The following PARN variants were observed in gnomAD, a reference collection of about 807,000 sequenced individuals.
PARN encodes poly(A)-specific ribonuclease PARN.
In PARN, 71 loss-of-function variants were observed where a neutral mutation model predicts 102.8. The ratio of observed to expected loss-of-function variants is 0.69; its 90% CI spans 0.57 to 0.84. The LOEUF (loss-of-function observed/expected upper bound fraction) is 0.84. PARN is among the 40% of genes least tolerant of loss of function. The pLI, the probability that PARN is intolerant of heterozygous loss-of-function variation, is 0.00. For missense variants in PARN, 782 were observed against 760.9 expected, an observed-to-expected ratio of 1.03 and a Z score of -0.33; for synonymous variants, 261 against 252.9, an observed-to-expected ratio of 1.03 and a Z score of -0.30.
chr16:14,475,516 T>C (rs1216011445), intron 22 of PARN, among the ~76,000 whole-genome samples: 1 of 152,210 alleles, frequency 6.6e-6, no homozygotes, highest in African/African-American at 2.4e-5. Context: ...CGGTTAACTA[T>C]AAAATGCTTG....
In PARN at chr16:14,522,818, G is replaced by C. The variant is rs146789141; in HGVS notation, c.1480+29203C>G. Among the ~76,000 whole-genome samples the C allele has an allele frequency of 2.3e-3, 354 of 152,266 alleles. 1 individual carries two copies. The highest frequency in any genetic ancestry group is 7.2e-3 in the Admixed American group (110 of 15,298). ...CCCTGTCCATGGCCTGGGGTGGGGAGAGAAAGGTCTGTAAAGAGAAATCTC... is the reference window on the plus strand; with the variant it reads ...CCCTGTCCATGGCCTGGGGTGGGGACAGAAAGGTCTGTAAAGAGAAATCTC... On this transcript the variant is annotated intron_variant, in intron 21 of 23. Transcript: ENST00000437198.
chr16:14,517,189 G>C (rs538393472), intron 21 of PARN, among the ~76,000 whole-genome samples: 1 of 152,202 alleles, frequency 6.6e-6, no homozygotes, highest in Non-Finnish European at 1.5e-5. Flanking sequence ...GCCATCAAGA[G>C]GTGCGGTGTA....
chr16:14,526,183 T>G (rs1185781203), intron 21 of PARN, among the ~76,000 whole-genome samples: 1 of 150,978 alleles, frequency 6.6e-6, no homozygotes, highest in Non-Finnish European at 1.5e-5. Context: ...TCCACTGTTT[T>G]TTTTTTTTTT....
chr16:14,586,499 T>C, intron 13 of PARN, 138 bp from the exon 14 acceptor site: 1 of 576,420 alleles, frequency 1.7e-6, no homozygotes, highest in Non-Finnish European at 3.1e-6. Flanking sequence ...AAAACCCATT[T>C]CTAGTTAACA....
chr16:14,566,883 T>C (rs1338736153), intron 18 of PARN, among the ~76,000 whole-genome samples: 1 of 152,160 alleles, frequency 6.6e-6, no homozygotes, highest in Non-Finnish European at 1.5e-5. Flanking sequence ...AAAAGCAGTT[T>C]TTTGATGCTG....
intron 13 of PARN, 138 bp downstream of exon 13, chr16:14,593,163 A>C (rs1212363155): frequency 1.7e-6 from 1 of 572,484 alleles, no homozygotes; most frequent in Non-Finnish European, 3.1e-6. Context: ...TGAGTGCATA[A>C]GATTCTCTCT....
At chr16:14,508,971 A>C (rs1965049040) in intron 21 of PARN, among the ~76,000 whole-genome samples, 1 of 151,474 alleles carries the variant, frequency 6.6e-6, no homozygotes, top group African/African-American at 2.4e-5. Flanking sequence ...AGAATCCAGA[A>C]GGTAAAAAAA....
intron 21 of PARN, among the ~76,000 whole-genome samples, chr16:14,491,422 G>A (rs1964051024): frequency 6.6e-6 from 1 of 151,954 alleles, no homozygotes; most frequent in South Asian, 2.1e-4. Flanking sequence ...AGCACCTAGG[G>A]TTTATCATAG....
intron 21 of PARN, among the ~76,000 whole-genome samples, chr16:14,545,858 T>A (rs978685398): frequency 6.6e-6 from 1 of 152,094 alleles, no homozygotes; most frequent in Non-Finnish European, 1.5e-5. Context: ...TTAAATTTTT[T>A]AAAAAGAATT....
At chr16:14,513,818 C>G (rs1015001703) in intron 21 of PARN, among the ~76,000 whole-genome samples, 2 of 152,190 alleles carry the variant, frequency 1.3e-5, no homozygotes, top group South Asian at 4.1e-4. Flanking sequence ...CTGCCGCAGA[C>G]GAGGTCCGTT....
At chr16:14,486,535 G>C (rs1963707895) in intron 21 of PARN, among the ~76,000 whole-genome samples, 1 of 152,230 alleles carries the variant, frequency 6.6e-6, no homozygotes, top group Non-Finnish European at 1.5e-5. Flanking sequence ...CCAGCTGATA[G>C]ACAAATGTTA....
Position 14,554,095 on chromosome 16 carries a change from T to C in PARN, c.1375A>G (p.Ser459Gly). Residue 459 changes from serine (S) to glycine (G), a missense_variant, in exon 20 of 24, where the codon AGC becomes GGC. By Grantham distance (56) the Ser-to-Gly change is moderately conservative. Transcript: ENST00000437198. The part of the protein sequence containing the change: ...HVTFPKEWKT[S>G]DLYQLFSAFG... The stretch of plus-strand genomic sequence containing the variant: ...GCACTGAAAAGCTGGTAAAGGTCGC[T>C]GGTTTTCCATTCTTTGGGGAATGTC... 1 of 1,613,304 alleles carries C rather than the reference T, an allele frequency of 6.2e-7. No homozygotes were observed. Among genetic ancestry groups the C allele is most frequent in the Non-Finnish European group, 8.5e-7 (1 of 1,179,594 alleles).
Position 14,555,623 on chromosome 16 carries a change from A to T in PARN, c.1318+31T>A, listed in dbSNP as rs770406454. ...TTCCAGACCACACACTTAAATGCAC[A>T]GATGCAATAAGAAAATAAAAATTTA... On this transcript the variant is annotated intron_variant, in intron 19 of 23. Coordinates refer to ENST00000437198, the MANE Select transcript of PARN (RefSeq NM_002582.4). 6.6e-6 allele frequency: 7 copies of T among 1,054,850 alleles called. No individual in the cohort carries two copies. The South Asian group carries it at 1.1e-4, about 16-fold the overall frequency. The allele number at this position is 1,054,850 out of a possible 1,614,324, so 65.3% of individuals were successfully genotyped here.
chr16:14,517,360 G>A (rs1373300260), intron 21 of PARN, among the ~76,000 whole-genome samples: 2 of 152,216 alleles, frequency 1.3e-5, no homozygotes, highest in East Asian at 3.9e-4. Flanking sequence ...GCCATCTACA[G>A]GATGAGGGGC....
At chr16:14,506,510 A>C (rs895215922) in intron 21 of PARN, among the ~76,000 whole-genome samples, 1 of 152,230 alleles carries the variant, frequency 6.6e-6, no homozygotes, top group African/African-American at 2.4e-5. Context: ...AATACACTAA[A>C]ATACTTCTAA....
chr16:14,548,499 T>A (rs781470018), intron 21 of PARN, among the ~76,000 whole-genome samples: 1 of 152,222 alleles, frequency 6.6e-6, no homozygotes, highest in Non-Finnish European at 1.5e-5. Context: ...CTTACTAATG[T>A]CAGACACTAC....
At chr16:14,586,720 G>A (rs946226621) in intron 13 of PARN, among the ~76,000 whole-genome samples, 1 of 152,176 alleles carries the variant, frequency 6.6e-6, no homozygotes, top group Non-Finnish European at 1.5e-5. Context: ...CTAACAGGCT[G>A]CGATCTACCA....
chr16:14,438,410 C>T (rs1336500637), intron 23 of PARN, among the ~76,000 whole-genome samples: 3 of 147,542 alleles, frequency 2.0e-5, no homozygotes, highest in Non-Finnish European at 3.0e-5. Context: ...TACTTGTAAT[C>T]TGCACCTGCC....
chr16:14,601,254 CA>C (rs1352671650), intron 11 of PARN, among the ~76,000 whole-genome samples: 2 of 152,066 alleles, frequency 1.3e-5, no homozygotes, highest in African/African-American at 4.8e-5. Context: ...TCTAGCCACA[CA>C]ATGGAATATT....
Sources: gnomAD v4.1 joint callset for allele counts (sites outside exome capture counted in the v4.1 genomes callset) on GRCh38, gnomAD v4.1.1 for gene constraint, MANE v1.5 for transcripts, NCBI Gene and HGNC (gene_info 2026-07-23, HGNC 2026-07-21) for gene names.